WHRN: variants seen among roughly 807,000 people sequenced by gnomAD.
WHRN encodes CASK-interacting protein CIP98.
In WHRN, 41 loss-of-function variants were observed where a neutral mutation model predicts 68.3. The observed-to-expected ratio is 0.60, with a 90% CI of 0.47 to 0.78. WHRN has a LOEUF of 0.78. Ranked by LOEUF, WHRN falls within the 30% of genes least tolerant of loss-of-function variation. The pLI, the probability that WHRN is intolerant of heterozygous loss-of-function variation, is 0.00. For missense variants in WHRN, 1,243 were observed against 1,244.7 expected (o/e 1.00, Z 0.02); for synonymous variants, 560 against 561.3 (o/e 1.00, Z 0.03).
Position 114,504,212 on chromosome 9 carries a change from G to A in WHRN, c.590C>T (p.Ala197Val), listed in dbSNP as rs1396588054. The A allele has an allele frequency of 6.2e-7, 1 of 1,614,160 alleles. No homozygotes were observed. ...QILRVNDKSL[A>V]RVTHAEAVKA... ...GACGGCCTCCGCGTGGGTCACCCGG[G>A]CCAGGGATTTGTCGTTGACGCGCAG... The change falls in exon 1 of 12, where the codon GCC becomes GTC. Residue 197 changes from alanine (A) to valine (V), a missense_variant. Physicochemically the swap from Ala to Val is moderately conservative, Grantham distance 64. Transcript: ENST00000362057.
chr9:114,416,069 CT>C (rs953229115), intron 7 of WHRN, among the ~76,000 whole-genome samples: 2 of 152,138 alleles, frequency 1.3e-5, no homozygotes, highest in African/African-American at 4.8e-5. Flanking sequence ...CTACTGCCCC[CT>C]ATTCACCTTC....
chr9:114,457,546 A>C (rs2132816557), intron 3 of WHRN, among the ~76,000 whole-genome samples: 1 of 152,272 alleles, frequency 6.6e-6, no homozygotes, highest in East Asian at 1.9e-4. Flanking sequence ...GAACATGGGA[A>C]TAGAAAATCA....
In WHRN at chr9:114,402,847, G is replaced by A. The variant is rs765930159; in HGVS notation, c.2631C>T (p.His877=). ...VNGLTLRGKE[H]REAARIIAEA... is the part of the protein sequence containing the mutation. ...CGGCGATAATGCGGGCGGCCTCCCG[G>A]TGCTCCTTGCCCCGAAGCGTCAGCC... Residue 877 remains histidine, a synonymous_variant, in exon 12 of 12, where the codon CAC becomes CAT. Coordinates refer to ENST00000362057, the MANE Select transcript of WHRN (RefSeq NM_015404.4). 3 of 1,613,994 alleles carry A rather than the reference G, an allele frequency of 1.9e-6. No homozygotes were observed. In the African/African-American group the frequency reaches 4.0e-5, roughly 22 times the overall value.
intron 7 of WHRN, among the ~76,000 whole-genome samples, chr9:114,408,751 T>A (rs1835217726): frequency 2.0e-5 from 3 of 152,214 alleles, no homozygotes; most frequent in Admixed American, 1.3e-4. Flanking sequence ...GGCTAAGGGA[T>A]GCTGAGATAG....
Position 114,468,748 on chromosome 9 carries a change from A to G in WHRN, c.838-2356T>C, listed in dbSNP as rs1317114018. ...AGACCCACATGCAGCCACTGGTTAG[A>G]CAGATGTTCTGGAAACAGCAGGCTC... is the stretch of plus-strand genomic sequence containing the variant. On this transcript the variant is annotated intron_variant, in intron 2 of 11. Transcript: ENST00000362057. 2.6e-5 allele frequency among the ~76,000 whole-genome samples: 4 copies of G among 152,016 alleles called. No homozygotes were observed. In the South Asian group the frequency reaches 8.3e-4, roughly 31 times the overall value.
At chr9:114,478,321 C>T in intron 2 of WHRN, 1 of 708,282 alleles carries the variant, frequency 1.4e-6, no homozygotes, top group Non-Finnish European at 2.6e-6. Flanking sequence ...ATAAATAAAT[C>T]ACAGTATTTA....
chr9:114,408,066 G>A (rs1377919477), intron 7 of WHRN, 48 bp from the exon 8 acceptor site: 6 of 1,500,618 alleles, frequency 4.0e-6, no homozygotes, highest in Non-Finnish European at 5.5e-6. Context: ...GCTGAGAAGG[G>A]AACACTGGTT....
At position 114,504,615 on chromosome 9, in the gene WHRN, T is replaced by C; in HGVS notation, c.187A>G (p.Asn63Asp). Residue 63 changes from asparagine (N) to aspartate (D), a missense_variant, in exon 1 of 12, where the codon AAC becomes GAC. Physicochemically the swap from Asn to Asp is conservative, Grantham distance 23. Coordinates refer to ENST00000362057, the MANE Select transcript of WHRN (RefSeq NM_015404.4). ...AEREQFTHCL[N>D]AYHARRNVFD... The stretch of plus-strand genomic sequence containing the variant: ...ACGTTGCGGCGCGCGTGGTAAGCGT[T>C]CAGGCAGTGGGTGAACTGCTCCCGC... 6.2e-7 allele frequency: 1 copy of C among 1,611,056 alleles called. No individual in the cohort carries two copies. The highest frequency in any genetic ancestry group is 8.5e-7 in the Non-Finnish European group (1 of 1,179,378).
intron 7 of WHRN, among the ~76,000 whole-genome samples, chr9:114,410,434 A>C (rs1016754055): frequency 6.6e-6 from 1 of 152,224 alleles, no homozygotes; most frequent in African/African-American, 2.4e-5. Flanking sequence ...TCATTGGAGG[A>C]GGCCAGAGCA....
chr9:114,408,574 G>A lies in WHRN; in HGVS notation c.1627-556C>T, dbSNP rs141446937. On this transcript the variant is annotated intron_variant, in intron 7 of 11. Coordinates refer to ENST00000362057, the MANE Select transcript of WHRN (RefSeq NM_015404.4). ...CCCAATGCCTCCTTAAGTGACACTG[G>A]GCTGCCAAAAGGCCATTTGTGGGCC... Among the ~76,000 whole-genome samples, 300 of 152,312 alleles carry A rather than the reference G, an allele frequency of 2.0e-3. 3 individuals carry two copies. In the Middle Eastern group the frequency reaches 0.037, roughly 19 times the overall value.
At chr9:114,424,581 T>C (rs1429026404) in intron 5 of WHRN, 35 bp from the exon 6 acceptor site, 1 of 1,570,264 alleles carries the variant, frequency 6.4e-7, no homozygotes. Flanking sequence ...CAGGAATTCT[T>C]AGCTGCTCTA....
At position 114,402,187 on chromosome 9, in the gene WHRN, C is replaced by A; in HGVS notation, c.*567G>T. The A allele has an allele frequency of 5.9e-6, 1 of 168,614 alleles. No homozygotes were observed. The highest frequency in any genetic ancestry group is 1.6e-4 in the East Asian group (1 of 6,368). The allele number at this position is 168,614 out of a possible 1,614,324, so 10.4% of individuals were successfully genotyped here. ...AGGCCTCTGGGATAGGCTGGGGGTG[C>A]AGAGGGAAGCTGGGGCCTTGGGGTC... On this transcript the variant is annotated 3_prime_UTR_variant, in exon 12 of 12. Transcript: ENST00000362057.
At chr9:114,487,974 T>C (rs1842680469) in intron 1 of WHRN, among the ~76,000 whole-genome samples, 1 of 152,186 alleles carries the variant, frequency 6.6e-6, no homozygotes, top group Non-Finnish European at 1.5e-5. Flanking sequence ...CTTCCAATCA[T>C]CTGGGGGCTA....
chr9:114,425,085 A>G (rs768846482), intron 4 of WHRN, 61 bp from the exon 5 acceptor site: 1 of 1,557,760 alleles, frequency 6.4e-7, no homozygotes, highest in Non-Finnish European at 8.9e-7. Context: ...GGCGTGGGCA[A>G]GGGACAGGGT....
intron 7 of WHRN, among the ~76,000 whole-genome samples, chr9:114,412,998 G>A (rs182003111): frequency 3.9e-5 from 6 of 152,178 alleles, no homozygotes; most frequent in East Asian, 3.9e-4. Context: ...CTCTTTGTTC[G>A]TTGGGCTTCT....
At chr9:114,431,732 T>C (rs1405098494) in intron 3 of WHRN, among the ~76,000 whole-genome samples, 1 of 152,202 alleles carries the variant, frequency 6.6e-6, no homozygotes, top group Admixed American at 6.5e-5. Context: ...TGAAACCAAC[T>C]CAGAGTTAGA....
At chr9:114,479,565 C>T (rs543308697) in intron 1 of WHRN, among the ~76,000 whole-genome samples, 115 of 152,260 alleles carry the variant, frequency 7.6e-4, no homozygotes, top group African/African-American at 2.7e-3. Context: ...AGCACAGAGT[C>T]GACAGATAAA....
At chr9:114,465,458 C>T (rs145370949) in intron 3 of WHRN, among the ~76,000 whole-genome samples, 30 of 152,314 alleles carry the variant, frequency 2.0e-4, no homozygotes, top group Non-Finnish European at 1.5e-4. Context: ...TCTCACACTC[C>T]CCATGGCCTG....
chr9:114,445,037 G>GTTATTATTA (rs566119848), intron 3 of WHRN, among the ~76,000 whole-genome samples: 3 of 150,690 alleles, frequency 2.0e-5, no homozygotes, highest in African/African-American at 7.3e-5. Flanking sequence ...GTTTTTTAAT[G>GTTATTATTA]TTATTATTAT....
Sources: gnomAD v4.1 joint callset for allele counts (sites outside exome capture counted in the v4.1 genomes callset) on GRCh38, gnomAD v4.1.1 for gene constraint, MANE v1.5 for transcripts, NCBI Gene and HGNC (gene_info 2026-07-23, HGNC 2026-07-21) for gene names.